MAST2: variants seen among roughly 807,000 people sequenced by gnomAD.
The protein encoded by MAST2 is microtubule associated serine/threonine kinase 2.
MAST2 carries 70 observed loss-of-function variants against 147.4 expected under a neutral mutation model. That is an observed-to-expected ratio of 0.47 (90% CI 0.39 to 0.58). MAST2 has a LOEUF of 0.58. Among genes scored for constraint, MAST2 ranks in the 20% least tolerant of loss-of-function variants. The pLI, the probability that MAST2 is intolerant of heterozygous loss-of-function variation, is 0.00. For synonymous variants in MAST2, 869 were observed against 896.8 expected (o/e 0.97, Z 0.55); for missense variants, 2,080 against 2,302.3 (o/e 0.90, Z 1.98).
chr1:45,860,201 TACACACACAC>T (rs777498021), intron 3 of MAST2, among the ~76,000 whole-genome samples: 2 of 144,034 alleles, frequency 1.4e-5, no homozygotes, highest in African/African-American at 5.2e-5. Flanking sequence ...CTACTAAAAA[TACACACACAC>T]ACACACACAC....
intron 17 of MAST2, 131 bp downstream of exon 17, chr1:46,027,994 A>G (rs1327978201): frequency 4.9e-6 from 5 of 1,027,890 alleles, no homozygotes; most frequent in South Asian, 3.1e-5. Flanking sequence ...CCTGGGCAAC[A>G]TAGTGAGACC....
At chr1:45,974,311 T>C (rs984995901) in intron 5 of MAST2, among the ~76,000 whole-genome samples, 1 of 152,158 alleles carries the variant, frequency 6.6e-6, no homozygotes, top group Non-Finnish European at 1.5e-5. Context: ...CTCTGATTAG[T>C]TGAGGCCAGG....
intron 5 of MAST2, among the ~76,000 whole-genome samples, chr1:45,992,542 GC>G (rs1644892148): frequency 6.6e-6 from 1 of 152,032 alleles, no homozygotes; most frequent in East Asian, 1.9e-4. Flanking sequence ...AGTAATACTG[GC>G]CCCATGGAAT....
intron 5 of MAST2, among the ~76,000 whole-genome samples, chr1:45,984,854 G>GA (rs996401240): frequency 2.0e-5 from 3 of 151,266 alleles, no homozygotes; most frequent in African/African-American, 4.9e-5. Flanking sequence ...CCCTGTCTCA[G>GA]AAAAAAAATC....
At chr1:45,885,497 T>C (rs749579160) in intron 4 of MAST2, among the ~76,000 whole-genome samples, 2 of 152,224 alleles carry the variant, frequency 1.3e-5, no homozygotes, top group Non-Finnish European at 2.9e-5. Flanking sequence ...CTTGGCATTA[T>C]ACAAAATACA....
intron 4 of MAST2, among the ~76,000 whole-genome samples, chr1:45,940,802 G>A (rs1476357963): frequency 2.0e-5 from 3 of 152,046 alleles, no homozygotes; most frequent in Non-Finnish European, 4.4e-5. Context: ...TTGTATTTTA[G>A]TAGAGATGGG....
chr1:45,825,454 A>G (rs1291870934), intron 2 of MAST2, among the ~76,000 whole-genome samples: 1 of 148,352 alleles, frequency 6.7e-6, no homozygotes, highest in African/African-American at 2.5e-5. Context: ...TTTTTTTGAG[A>G]CAGAGTCTCA....
At chr1:45,913,682 A>T in intron 4 of MAST2, 1 of 1,023,724 alleles carries the variant, frequency 9.8e-7, no homozygotes, top group African/African-American at 1.7e-5. Flanking sequence ...TCTGAAGATC[A>T]TGTTTTTGAA....
chr1:45,973,805 A>T (rs916912728), intron 5 of MAST2, among the ~76,000 whole-genome samples: 5 of 152,240 alleles, frequency 3.3e-5, no homozygotes, highest in African/African-American at 1.2e-4. Context: ...TGATATAGAC[A>T]GATCAAGTGA....
At chr1:45,856,454 T>G (rs182687320) in intron 3 of MAST2, among the ~76,000 whole-genome samples, 3 of 152,338 alleles carry the variant, frequency 2.0e-5, no homozygotes, top group Admixed American at 1.3e-4. Flanking sequence ...CTATTTGCAG[T>G]CACACACGCA....
At chr1:45,818,976 G>A (rs1317428020) in intron 1 of MAST2, among the ~76,000 whole-genome samples, 1 of 152,018 alleles carries the variant, frequency 6.6e-6, no homozygotes, top group African/African-American at 2.4e-5. Flanking sequence ...TTCCAAGACC[G>A]GGCATAGTGG....
At chr1:45,913,796 C>G (rs977993752) in intron 4 of MAST2, 1 of 1,154,476 alleles carries the variant, frequency 8.7e-7, no homozygotes, top group African/African-American at 1.7e-5. Flanking sequence ...TACCAAGACT[C>G]CAGTGTGAGG....
intron 21 of MAST2, 66 bp downstream of exon 21, chr1:46,030,304 A>AGG: frequency 6.7e-7 from 1 of 1,485,532 alleles, no homozygotes; most frequent in Non-Finnish European, 9.3e-7. Flanking sequence ...GGCCTGTCAA[A>AGG]GGGCACACCT....
intron 1 of MAST2, among the ~76,000 whole-genome samples, chr1:45,805,834 ATTTC>A (rs1644126173): frequency 1.3e-5 from 2 of 152,160 alleles, no homozygotes; most frequent in Non-Finnish European, 2.9e-5. Context: ...AAACAACATA[ATTTC>A]CCTGAATTGT....
intron 9 of MAST2, 74 bp downstream of exon 9, chr1:46,008,445 T>G (rs1645578509): frequency 1.1e-6 from 1 of 947,902 alleles, no homozygotes; most frequent in African/African-American, 1.6e-5. Flanking sequence ...AATGGGAGAC[T>G]CTGGAGTGAA....
chr1:45,868,776 C>G (rs1646263885), intron 3 of MAST2, among the ~76,000 whole-genome samples: 1 of 152,022 alleles, frequency 6.6e-6, no homozygotes, highest in African/African-American at 2.4e-5. Flanking sequence ...CTTCAAGAAC[C>G]AGGTAGATTT....
At chr1:45,983,891 T>C (rs181007387) in intron 5 of MAST2, among the ~76,000 whole-genome samples, 290 of 152,342 alleles carry the variant, frequency 1.9e-3, no homozygotes, top group African/African-American at 6.4e-3. Flanking sequence ...GAAGGTGATA[T>C]TTTATCATTG....
chr1:46,016,126 C>T (rs1257340298), intron 10 of MAST2, among the ~76,000 whole-genome samples: 7 of 151,002 alleles, frequency 4.6e-5, no homozygotes, highest in Admixed American at 2.0e-4. Context: ...AATTCAACAA[C>T]CCTTCATGCT....
chr1:45,823,958 C>A (rs1012488192), intron 1 of MAST2, among the ~76,000 whole-genome samples: 5 of 152,092 alleles, frequency 3.3e-5, no homozygotes, highest in Non-Finnish European at 7.4e-5. Context: ...CTGTATTTAG[C>A]TCCTCTTATA....
Sources: allele counts gnomAD v4.1 joint callset (sites outside exome capture counted in the v4.1 genomes callset), GRCh38; gene constraint gnomAD v4.1.1; transcripts MANE v1.5; gene names NCBI Gene and HGNC (gene_info 2026-07-23, HGNC 2026-07-21).